NEK10: variants seen among roughly 807,000 people sequenced by gnomAD.
NEK10 encodes the protein serine/threonine-protein kinase Nek10.
A neutral mutation model predicts 159.8 loss-of-function variants in NEK10; 122 were observed. That is an observed-to-expected ratio of 0.76 (90% CI 0.66 to 0.89). The LOEUF is 0.89. Among genes scored for constraint, NEK10 ranks in the 40% least tolerant of loss-of-function variants. The pLI is 0.00. For missense variants in NEK10, 1,342 were observed against 1,323.1 expected (o/e 1.01, Z -0.22); for synonymous variants, 466 against 457.1 (o/e 1.02, Z -0.25).
intron 30 of NEK10, chr3:27,143,390 G>GT: frequency 2.8e-6 from 2 of 710,074 alleles, no homozygotes; most frequent in Non-Finnish European, 5.0e-6. Context: ...ATGGCAAAGA[G>GT]TTCTTAGATC....
At chr3:27,273,082 G>A (rs961136211) in intron 22 of NEK10, among the ~76,000 whole-genome samples, 1 of 152,170 alleles carries the variant, frequency 6.6e-6, no homozygotes, top group African/African-American at 2.4e-5. Context: ...AGAAAGTGAA[G>A]AAGAGACTTC....
At chr3:27,286,280 G>T (rs1199565302) in intron 20 of NEK10, among the ~76,000 whole-genome samples, 2 of 150,966 alleles carry the variant, frequency 1.3e-5, no homozygotes, top group African/African-American at 2.4e-5. Flanking sequence ...TAGAGACGGG[G>T]TTTCACCGTG....
chr3:27,337,352 G>A (rs1032184529), intron 5 of NEK10, among the ~76,000 whole-genome samples: 9 of 151,930 alleles, frequency 5.9e-5, no homozygotes, highest in East Asian at 1.9e-4. Flanking sequence ...TTCCATGCTC[G>A]TGGATCAGAA....
At chr3:27,235,454 G>T (rs1953803649) in intron 23 of NEK10, among the ~76,000 whole-genome samples, 1 of 152,058 alleles carries the variant, frequency 6.6e-6, no homozygotes, top group Admixed American at 6.6e-5. Flanking sequence ...GTGGGCAAAG[G>T]ACATGAACAA....
At chr3:27,337,812 A>G (rs1023795345) in intron 5 of NEK10, among the ~76,000 whole-genome samples, 17 of 152,222 alleles carry the variant, frequency 1.1e-4, no homozygotes, top group African/African-American at 4.1e-4. Flanking sequence ...CACAAGATGG[A>G]TTAAAGACTT....
chr3:27,123,957 C>T (rs959456679), intron 32 of NEK10, among the ~76,000 whole-genome samples: 1 of 151,852 alleles, frequency 6.6e-6, no homozygotes, highest in African/African-American at 2.4e-5. Flanking sequence ...AACAGAAGGG[C>T]AGGAGTTAGA....
intron 25 of NEK10, among the ~76,000 whole-genome samples, chr3:27,199,842 G>C (rs2149027572): frequency 6.6e-6 from 1 of 152,090 alleles, no homozygotes; most frequent in African/African-American, 2.4e-5. Flanking sequence ...ATTATCCTTA[G>C]CAAACTAATG....
At chr3:27,251,737 C>T (rs1955691429) in intron 23 of NEK10, among the ~76,000 whole-genome samples, 1 of 152,168 alleles carries the variant, frequency 6.6e-6, no homozygotes, top group Non-Finnish European at 1.5e-5. Flanking sequence ...CCCTCAGGGC[C>T]ACTTTATTGG....
At chr3:27,226,705 A>G (rs1279653925) in intron 23 of NEK10, among the ~76,000 whole-genome samples, 1 of 152,240 alleles carries the variant, frequency 6.6e-6, no homozygotes, top group African/African-American at 2.4e-5. Context: ...TGGCCAATGC[A>G]CATATCTAAT....
chr3:27,145,393 AT>A (rs2148708771), intron 30 of NEK10, among the ~76,000 whole-genome samples: 1 of 152,296 alleles, frequency 6.6e-6, no homozygotes, highest in Admixed American at 6.5e-5. Flanking sequence ...TATAGTTTTT[AT>A]TAAAATAGTA....
At chr3:27,136,600 A>T (rs1575456224) in intron 31 of NEK10, among the ~76,000 whole-genome samples, 1 of 152,300 alleles carries the variant, frequency 6.6e-6, no homozygotes, top group Middle Eastern at 3.4e-3. Flanking sequence ...TTATATGTCC[A>T]AAGGTAGATT....
At chr3:27,353,085 A>G (rs914662911) in intron 1 of NEK10, among the ~76,000 whole-genome samples, 166 bp from the exon 2 acceptor site, 30 of 152,332 alleles carry the variant, frequency 2.0e-4, no homozygotes, top group Admixed American at 8.5e-4. Flanking sequence ...CTTACTATTT[A>G]TCATTCAAAG....
At chr3:27,179,692 A>T (rs1483405572) in intron 26 of NEK10, among the ~76,000 whole-genome samples, 2 of 152,240 alleles carry the variant, frequency 1.3e-5, no homozygotes, top group Admixed American at 6.5e-5. Context: ...CCAAGACAGC[A>T]GACTAACATG....
chr3:27,188,792 T>A (rs918444927), intron 26 of NEK10, among the ~76,000 whole-genome samples: 30 of 152,198 alleles, frequency 2.0e-4, no homozygotes, highest in African/African-American at 6.5e-4. Flanking sequence ...AAGTTTTCCA[T>A]TGATTCTCCA....
intron 1 of NEK10, among the ~76,000 whole-genome samples, chr3:27,356,039 G>A (rs6776355): frequency 0.32 from 48,978 of 152,046 alleles, 9,912 homozygotes; most frequent in East Asian, 0.74. Context: ...ATTTTACAAA[G>A]GGCTTTCAGG....
chr3:27,286,119 T>A (rs573185621), intron 20 of NEK10, among the ~76,000 whole-genome samples: 33 of 123,680 alleles, frequency 2.7e-4, no homozygotes, highest in African/African-American at 9.7e-4. Flanking sequence ...GGAGTCTCAC[T>A]CTGTTGCCCA....
Position 27,172,345 on chromosome 3 carries a change from A to C in NEK10, c.2777-472T>G, listed in dbSNP as rs955970517. Among the ~76,000 whole-genome samples, 6 of 151,210 alleles carry C rather than the reference A, an allele frequency of 4.0e-5. No individual in the cohort carries two copies. The South Asian group carries it at 6.2e-4, about 16-fold the overall frequency. On this transcript the variant is annotated intron_variant, in intron 28 of 35. Transcript: ENST00000691995. ...CGAGACCCCGTCTCAAAAAAAAAAA[A>C]AAAAAAAAAAAAAACTTAAAATACA...
At chr3:27,264,933 T>C (rs2040761628) in intron 22 of NEK10, among the ~76,000 whole-genome samples, 1 of 127,214 alleles carries the variant, frequency 7.9e-6, no homozygotes, top group South Asian at 2.5e-4. Flanking sequence ...AATAAATAAA[T>C]AAATAATAAT....
rs775977453 is a variant in NEK10, at chr3:27,284,922, G to C, written c.1829C>G (p.Ala610Gly). 2 of 1,604,278 alleles carry C rather than the reference G, an allele frequency of 1.2e-6. No homozygotes were observed. Among genetic ancestry groups the C allele is most frequent in the South Asian group, 2.2e-5 (2 of 90,788 alleles). Reference protein sequence around the residue: ...LYIVMELIEGAPLGEHFSSLK... With the variant: ...LYIVMELIEGGPLGEHFSSLK... ...AGAACTGAAATGCTCTCCAAGCGGG[G>C]CTCCTTCTATCAGCTCCATAACTAT... The change falls in exon 21 of 36, where the codon GCC becomes GGC. Residue 610 changes from alanine (A) to glycine (G), a missense_variant. Coordinates refer to ENST00000691995, the MANE Select transcript of NEK10 (RefSeq NM_001394966.1).
Sources: gnomAD v4.1 joint callset for allele counts (sites outside exome capture counted in the v4.1 genomes callset) on GRCh38, gnomAD v4.1.1 for gene constraint, MANE v1.5 for transcripts, NCBI Gene and HGNC (gene_info 2026-07-23, HGNC 2026-07-21) for gene names.